Variants in ZNF521 observed in about 807,000 individuals in gnomAD.
ZNF521 encodes the protein LYST-interacting protein 3.
ZNF521 carries 14 observed loss-of-function variants against 105.5 expected under a neutral mutation model. That is an observed-to-expected ratio of 0.13 (90% CI 0.09 to 0.21). ZNF521 has a LOEUF of 0.21. ZNF521 is among the 10% of genes least tolerant of loss of function. The pLI, the probability that ZNF521 is intolerant of heterozygous loss-of-function variation, is 1.00. For missense variants in ZNF521, 1,233 were observed against 1,629.7 expected (o/e 0.76, Z 4.19); for synonymous variants, 635 against 606.0 (o/e 1.05, Z -0.70).
chr18:25,214,632 T>C (rs923914883), intron 4 of ZNF521, among the ~76,000 whole-genome samples: 2 of 152,240 alleles, frequency 1.3e-5, no homozygotes, highest in Non-Finnish European at 2.9e-5. Flanking sequence ...TATTATGCCT[T>C]CTTTGTTCAA....
intron 1 of ZNF521, 110 bp from the exon 2 acceptor site, chr18:25,351,057 C>G (rs1300563476): frequency 1.4e-6 from 1 of 728,990 alleles, no homozygotes; most frequent in East Asian, 5.9e-5. Flanking sequence ...GCTCGGCCTC[C>G]CTCGCGCCCT....
intron 5 of ZNF521, among the ~76,000 whole-genome samples, chr18:25,127,755 G>A (rs2034564124): frequency 6.6e-6 from 1 of 151,884 alleles, no homozygotes; most frequent in Non-Finnish European, 1.5e-5. Context: ...ATGTTTGTGA[G>A]TTTAAGAGTA....
At chr18:25,116,718 C>T (rs76873404) in intron 5 of ZNF521, among the ~76,000 whole-genome samples, 5 of 151,554 alleles carry the variant, frequency 3.3e-5, no homozygotes, top group Non-Finnish European at 7.4e-5. Context: ...TGAATTTCCT[C>T]CTTTTTAAAA....
chr18:25,142,625 C>G (rs139077661), intron 5 of ZNF521, among the ~76,000 whole-genome samples: 262 of 152,156 alleles, frequency 1.7e-3, no homozygotes, highest in Admixed American at 4.8e-3. Context: ...AGCAATGGAA[C>G]CTTGAGAACC....
At chr18:25,347,009 A>T (rs1051380273) in intron 2 of ZNF521, among the ~76,000 whole-genome samples, 8 of 152,174 alleles carry the variant, frequency 5.3e-5, no homozygotes, top group African/African-American at 1.9e-4. Flanking sequence ...TCAAAAAAAA[A>T]TTGTTTGTTA....
At chr18:25,300,276 A>C (rs1037539846) in intron 3 of ZNF521, among the ~76,000 whole-genome samples, 2 of 152,220 alleles carry the variant, frequency 1.3e-5, no homozygotes, top group South Asian at 2.1e-4. Context: ...TCCACCAATC[A>C]ATCCAAAGAA....
chr18:25,120,745 T>C (rs1041490353), intron 5 of ZNF521, among the ~76,000 whole-genome samples: 1 of 152,170 alleles, frequency 6.6e-6, no homozygotes, highest in East Asian at 1.9e-4. Context: ...TATTTTCCTT[T>C]TCTTATTCTT....
chr18:25,159,482 C>T (rs1253575614), intron 5 of ZNF521, among the ~76,000 whole-genome samples: 2 of 151,412 alleles, frequency 1.3e-5, no homozygotes, highest in East Asian at 3.9e-4. Flanking sequence ...AGGAGTGTTG[C>T]TTTCTGCAGA....
chr18:25,317,876 G>A (rs925211669), intron 3 of ZNF521, among the ~76,000 whole-genome samples: 1 of 152,124 alleles, frequency 6.6e-6, no homozygotes, highest in Non-Finnish European at 1.5e-5. Context: ...ATCTACTGCT[G>A]GTGGGAGTTT....
Position 25,226,506 on chromosome 18 carries a change from G to A in ZNF521, c.1412C>T (p.Ala471Val). ...EAQDPGLIVS[A>V]MPAIVYQCNF... The stretch of plus-strand genomic sequence containing the variant: ...ACACTGGTAGACAATGGCAGGCATG[G>A]CAGAAACAATCAGACCTGGGTCCTG... Residue 471 changes from alanine (A) to valine (V), a missense_variant, in exon 4 of 8, where the codon GCC becomes GTC. Ala to Val is a moderately conservative substitution (Grantham distance 64, BLOSUM62 0). Transcript: ENST00000361524. This position sits in a 1 kb window ranked among gnomAD's most constrained non-coding sequence, Gnocchi z 4.1. The A allele has an allele frequency of 1.9e-6, 3 of 1,614,116 alleles. No individual in the cohort carries two copies. Among genetic ancestry groups the A allele is most frequent in the Non-Finnish European group, 2.5e-6 (3 of 1,180,016 alleles).
intron 5 of ZNF521, among the ~76,000 whole-genome samples, chr18:25,116,199 C>T (rs951922808): frequency 6.6e-6 from 1 of 152,000 alleles, no homozygotes; most frequent in Non-Finnish European, 1.5e-5. Context: ...AGTGGCCCTA[C>T]CCAGAAGCTG....
At chr18:25,271,386 T>C (rs146263809) in intron 3 of ZNF521, among the ~76,000 whole-genome samples, 1,890 of 152,252 alleles carry the variant, frequency 0.012, 22 homozygotes, top group Admixed American at 0.037. Context: ...CAAGGTACCA[T>C]TGACTTTCTT....
chr18:25,158,547 C>G (rs2035190640), intron 5 of ZNF521, among the ~76,000 whole-genome samples: 3 of 152,012 alleles, frequency 2.0e-5, no homozygotes, highest in Non-Finnish European at 4.4e-5. Context: ...GAAAAGGAAA[C>G]ACTATTATCC....
At chr18:25,342,786 A>C (rs962371428) in intron 2 of ZNF521, among the ~76,000 whole-genome samples, 1 of 152,242 alleles carries the variant, frequency 6.6e-6, no homozygotes, top group Non-Finnish European at 1.5e-5. Context: ...GATAGTGGTA[A>C]TAAAAAGCAT....
At chr18:25,279,415 A>T (rs1678873408) in intron 3 of ZNF521, among the ~76,000 whole-genome samples, 1 of 152,226 alleles carries the variant, frequency 6.6e-6, no homozygotes, top group Non-Finnish European at 1.5e-5. Flanking sequence ...TGTATGAATG[A>T]TTTAAAATTC....
At chr18:25,195,305 T>G in intron 4 of ZNF521, 61 bp from the exon 5 acceptor site, 1 of 1,333,734 alleles carries the variant, frequency 7.5e-7, no homozygotes, top group Non-Finnish European at 1.0e-6. Flanking sequence ...GTTTCTTTGT[T>G]TAAAAAACAT....
At chr18:25,180,622 C>T (rs1257797449) in intron 5 of ZNF521, among the ~76,000 whole-genome samples, 1 of 151,956 alleles carries the variant, frequency 6.6e-6, no homozygotes, top group Non-Finnish European at 1.5e-5. Context: ...TTTCATAATG[C>T]TTCTTTGGGT....
intron 6 of ZNF521, among the ~76,000 whole-genome samples, chr18:25,090,834 T>C (rs182136903): frequency 1.4e-3 from 210 of 152,288 alleles, no homozygotes; most frequent in African/African-American, 4.5e-3. Flanking sequence ...TCTTGACTCG[T>C]TGTATGTTAG....
intron 3 of ZNF521, among the ~76,000 whole-genome samples, chr18:25,310,404 G>A (rs1461159724): frequency 2.0e-5 from 3 of 149,726 alleles, no homozygotes; most frequent in Non-Finnish European, 4.4e-5. Context: ...TAGAGTCTAA[G>A]AGTCAGATTT....
Sources: gnomAD v4.1 joint callset for allele counts (sites outside exome capture counted in the v4.1 genomes callset) on GRCh38, gnomAD v4.1.1 for gene constraint, Gnocchi (gnomAD v3.1) non-coding constraint, MANE v1.5 for transcripts, NCBI Gene and HGNC (gene_info 2026-07-23, HGNC 2026-07-21) for gene names.